ITPR1: variants seen among roughly 807,000 people sequenced by gnomAD.
ITPR1 encodes inositol 1,4,5-trisphosphate receptor type 1.
ITPR1 carries 96 observed loss-of-function variants against 318.4 expected under a neutral mutation model. The ratio of observed to expected loss-of-function variants is 0.30; its 90% CI spans 0.26 to 0.36. The LOEUF is 0.36. ITPR1 is among the 10% of genes least tolerant of loss of function. The pLI, the probability that ITPR1 is intolerant of heterozygous loss-of-function variation, is 1.00. For missense variants in ITPR1, 2,440 were observed against 3,460.2 expected (o/e 0.71, Z 7.40); for synonymous variants, 1,312 against 1,289.9 (o/e 1.02, Z -0.37).
chr3:4,750,951 C>T (rs1012638908), intron 44 of ITPR1: 3 of 152,874 alleles, frequency 2.0e-5, no homozygotes, highest in African/African-American at 7.3e-5. Flanking sequence ...ATTACCAATC[C>T]CTCCATGAGA....
chr3:4,783,019 ACT>A (rs2046933537), intron 50 of ITPR1, among the ~76,000 whole-genome samples: 2 of 152,158 alleles, frequency 1.3e-5, no homozygotes, highest in Admixed American at 1.3e-4. Context: ...ATGGTTTATG[ACT>A]CTGTCTGGAG....
intron 40 of ITPR1, among the ~76,000 whole-genome samples, chr3:4,725,338 C>T (rs1046033253): frequency 6.6e-6 from 1 of 152,048 alleles, no homozygotes; most frequent in African/African-American, 2.4e-5. Flanking sequence ...GGTCGATTGT[C>T]TCCTCCAGCA....
intron 40 of ITPR1, among the ~76,000 whole-genome samples, chr3:4,720,616 C>G (rs1056016956): frequency 6.6e-6 from 1 of 152,182 alleles, no homozygotes; most frequent in Non-Finnish European, 1.5e-5. Flanking sequence ...CTCCTTGGAA[C>G]TGTGGAATCT....
intron 3 of ITPR1, among the ~76,000 whole-genome samples, chr3:4,520,785 A>G (rs1447605716): frequency 6.6e-6 from 1 of 152,218 alleles, no homozygotes; most frequent in East Asian, 1.9e-4. Context: ...GGACATGGTT[A>G]TGGGAAAGGA....
At chr3:4,773,656 C>T (rs2046320241) in intron 46 of ITPR1, among the ~76,000 whole-genome samples, 1 of 152,190 alleles carries the variant, frequency 6.6e-6, no homozygotes, top group Admixed American at 6.5e-5. Flanking sequence ...AGAGTTGTCC[C>T]AAACACTCCT....
intron 26 of ITPR1, among the ~76,000 whole-genome samples, chr3:4,682,936 C>T (rs180790582): frequency 3.3e-5 from 5 of 152,254 alleles, no homozygotes; most frequent in African/African-American, 9.6e-5. Flanking sequence ...TTCCTATAGT[C>T]CCAGCTACTC....
intron 4 of ITPR1, among the ~76,000 whole-genome samples, chr3:4,588,394 T>A (rs1167468654): frequency 6.6e-6 from 1 of 152,054 alleles, no homozygotes; most frequent in Non-Finnish European, 1.5e-5. Context: ...TACACTGGGT[T>A]TTTAAACGTG....
intron 16 of ITPR1, among the ~76,000 whole-genome samples, chr3:4,664,004 C>T (rs939121918): frequency 1.3e-5 from 2 of 152,164 alleles, no homozygotes; most frequent in African/African-American, 4.8e-5. Flanking sequence ...TGATTTTTAG[C>T]GTACTTGTTG....
intron 44 of ITPR1, among the ~76,000 whole-genome samples, chr3:4,742,700 C>A (rs2043796559): frequency 6.6e-6 from 1 of 152,182 alleles, no homozygotes; most frequent in South Asian, 2.1e-4. Context: ...CTCAAGCATT[C>A]CTCCTCCCTC....
At chr3:4,832,108 T>C (rs566611048) in intron 60 of ITPR1, among the ~76,000 whole-genome samples, 5 of 152,356 alleles carry the variant, frequency 3.3e-5, no homozygotes, top group Admixed American at 1.3e-4. Context: ...ATTAAAACAC[T>C]GGTAACACCT....
At chr3:4,793,875 C>T (rs564954221) in intron 52 of ITPR1, among the ~76,000 whole-genome samples, 6 of 152,190 alleles carry the variant, frequency 3.9e-5, no homozygotes, top group South Asian at 4.2e-4. Context: ...ATGATATGGG[C>T]GATTAATAAA....
At chr3:4,771,925 C>A (rs1042396133) in intron 46 of ITPR1, among the ~76,000 whole-genome samples, 1 of 151,960 alleles carries the variant, frequency 6.6e-6, no homozygotes, top group Non-Finnish European at 1.5e-5. Context: ...CCCTCACCTA[C>A]GAGACCCCTG....
chr3:4,666,853 A>G (rs531306359), intron 17 of ITPR1, among the ~76,000 whole-genome samples: 27 of 152,360 alleles, frequency 1.8e-4, no homozygotes, highest in Non-Finnish European at 3.5e-4. Flanking sequence ...AGTTCCATGC[A>G]TATGATGGAT....
chr3:4,653,963 T>C, intron 12 of ITPR1, 77 bp downstream of exon 12: 2 of 1,038,232 alleles, frequency 1.9e-6, no homozygotes, highest in Non-Finnish European at 2.9e-6. Flanking sequence ...TTTAAGAAAC[T>C]GTCACTGTGG....
At chr3:4,724,816 C>A (rs2042393883) in intron 40 of ITPR1, among the ~76,000 whole-genome samples, 3 of 152,102 alleles carry the variant, frequency 2.0e-5, no homozygotes, top group African/African-American at 7.2e-5. Flanking sequence ...CATCCATGGG[C>A]TGGAAATTAT....
chr3:4,793,641 G>A (rs1016143625), intron 52 of ITPR1, among the ~76,000 whole-genome samples: 3 of 152,136 alleles, frequency 2.0e-5, no homozygotes. Flanking sequence ...TGGTTGACTG[G>A]GTCCTGGCTG....
intron 44 of ITPR1, among the ~76,000 whole-genome samples, chr3:4,745,588 T>C (rs1354423212): frequency 1.3e-5 from 2 of 152,178 alleles, no homozygotes; most frequent in Non-Finnish European, 2.9e-5. Context: ...ACATCTGAAA[T>C]GTTTTGAGGC....
chr3:4,819,194 G>A (rs2049512534), intron 60 of ITPR1, among the ~76,000 whole-genome samples: 1 of 152,240 alleles, frequency 6.6e-6, no homozygotes, highest in Non-Finnish European at 1.5e-5. Context: ...GAGGCAGCCA[G>A]GCTTTCAGTT....
At chr3:4,505,286 A>G (rs894523521) in intron 2 of ITPR1, among the ~76,000 whole-genome samples, 2 of 152,096 alleles carry the variant, frequency 1.3e-5, no homozygotes, top group Non-Finnish European at 2.9e-5. Flanking sequence ...TCCACCTCAT[A>G]GGTTCATGCG....
Sources: gnomAD v4.1 joint callset for allele counts (sites outside exome capture counted in the v4.1 genomes callset) on GRCh38, gnomAD v4.1.1 for gene constraint, MANE v1.5 for transcripts, NCBI Gene and HGNC (gene_info 2026-07-23, HGNC 2026-07-21) for gene names.